The following GSTA1 variants were observed in gnomAD, a reference collection of about 807,000 sequenced individuals.
GSTA1 encodes the protein glutathione S-transferase alpha 1.
Under a neutral mutation model 21.5 loss-of-function variants are expected in GSTA1, and 23 were observed. The ratio of observed to expected loss-of-function variants is 1.07; its 90% CI spans 0.77 to 1.52. The LOEUF (loss-of-function observed/expected upper bound fraction) is 1.52, where lower values mean the gene tolerates loss of function less well. Among genes scored for constraint, GSTA1 ranks in the 40% most tolerant of loss-of-function variants. The pLI, the probability that GSTA1 is intolerant of heterozygous loss-of-function variation, is 0.00. For missense variants in GSTA1, 301 were observed against 264.2 expected (o/e 1.14, Z -0.96); for synonymous variants, 125 against 90.0 (o/e 1.39, Z -2.20).
chr6:52,795,869 C>T (rs1357981289), intron 4 of GSTA1, among the ~76,000 whole-genome samples: 1 of 152,162 alleles, frequency 6.6e-6, no homozygotes, highest in Non-Finnish European at 1.5e-5. Context: ...CAGAGTCGAG[C>T]CTCTGAAGTC....
rs59320156 is a variant in GSTA1 at position 52,795,151 on chromosome 6, G to T, written c.273-885C>A. On this transcript the variant is annotated intron_variant, in intron 4 of 6. Coordinates refer to ENST00000334575, the MANE Select transcript of GSTA1 (RefSeq NM_145740.5). Reference sequence around the variant, plus strand: ...GCCCCACTCCTTTAGCTCCAGGCAAGCACTAATCTACTTTCTACCTCTATG... The same window carrying T: ...GCCCCACTCCTTTAGCTCCAGGCAATCACTAATCTACTTTCTACCTCTATG... 2.9e-3 allele frequency among the ~76,000 whole-genome samples: 437 copies of T among 152,238 alleles called. 2 individuals carry two copies. Among genetic ancestry groups the T allele is most frequent in the African/African-American group, 0.01 (422 of 41,544 alleles).
chr6:52,799,413 T>G (rs1763661209), intron 1 of GSTA1, 116 bp from the exon 2 acceptor site: 5 of 679,284 alleles, frequency 7.4e-6, no homozygotes, highest in Non-Finnish European at 1.2e-5. Context: ...TCTTCATGAC[T>G]GTGTTGGAGG....
In GSTA1 at chr6:52,794,805, T is replaced by C. The variant is rs112428428; in HGVS notation, c.273-539A>G. 9.5e-4 allele frequency among the ~76,000 whole-genome samples: 145 copies of C among 152,330 alleles called. 1 individual carries two copies. The highest frequency in any genetic ancestry group is 3.3e-3 in the African/African-American group (138 of 41,578). On this transcript the variant is annotated intron_variant, in intron 4 of 6. Transcript: ENST00000334575. ...CATTTCCACAGCCCTTTCCATGTGC[T>C]GTTGCGCAACTCTAGCCATGTGTGC...
At chr6:52,795,637 T>C (rs1347051770) in intron 4 of GSTA1, among the ~76,000 whole-genome samples, 1 of 152,170 alleles carries the variant, frequency 6.6e-6, no homozygotes, top group Non-Finnish European at 1.5e-5. Context: ...CTGGCTGTTT[T>C]GTGCTTCTAT....
rs746278008 is a variant in GSTA1, at chr6:52,799,181, C to G, written c.87G>C (p.Glu29Asp). 6.8e-6 allele frequency: 11 copies of G among 1,613,446 alleles called. No individual in the cohort carries two copies. The highest frequency in any genetic ancestry group is 2.5e-6 in the Non-Finnish European group (3 of 1,179,588). The change falls in exon 2 of 7, where the codon GAG (glutamate) becomes GAC (aspartate). Residue 29 changes from glutamate (E) to aspartate (D), a missense_variant and splice_region_variant. Glu to Asp is a conservative substitution (Grantham distance 45). Transcript: ENST00000334575. ...TAAGATGACCTAACTCAGAACCTAC[C>G]TCTACTCCAGCTGCAGCCAGGAGCC... ...TRWLLAAAGV[E>D]FEEKFIKSAE...
intron 1 of GSTA1, 83 bp from the exon 2 acceptor site, chr6:52,799,380 C>T (rs1282226277): frequency 1.2e-6 from 1 of 868,828 alleles, no homozygotes; most frequent in Non-Finnish European, 1.8e-6. Context: ...AAACCACCAA[C>T]AATACTGAAG....
intron 4 of GSTA1, among the ~76,000 whole-genome samples, chr6:52,795,662 A>G (rs192520448): frequency 6.6e-6 from 1 of 152,280 alleles, no homozygotes; most frequent in East Asian, 1.9e-4. Context: ...GTGTCAAGGT[A>G]ACCCCAGCAT....
chr6:52,796,667 C>A (rs1478306978), intron 3 of GSTA1, among the ~76,000 whole-genome samples: 1 of 149,102 alleles, frequency 6.7e-6, no homozygotes, highest in African/African-American at 2.5e-5. Flanking sequence ...CCTCAGCCTC[C>A]CAATAGCTGG....
chr6:52,799,820 G>A (rs994418121), intron 1 of GSTA1, among the ~76,000 whole-genome samples: 1 of 152,142 alleles, frequency 6.6e-6, no homozygotes. Context: ...GTCACTCCTG[G>A]AAGCCAGCTG....
rs368168748 is a variant in GSTA1 at position 52,797,686 on chromosome 6, G to C, written c.88-49C>G. The C allele has an allele frequency of 1.2e-5, 18 of 1,510,512 alleles. No individual in the cohort carries two copies. The Admixed American group carries it at 1.5e-4, about 13-fold the overall frequency. The allele number at this position is 1,510,512 out of a possible 1,614,324, so 93.6% of individuals were successfully genotyped here. A position where few individuals can be genotyped will look rare whatever the true frequency, so the allele number is the denominator to read the frequency against. On this transcript the variant is annotated intron_variant, in intron 2 of 6. Coordinates refer to ENST00000334575, the MANE Select transcript of GSTA1 (RefSeq NM_145740.5). ...GTTCTTGTTAGTTCATTCTATTATA[G>C]ACTGTGGCCTTGAATGGCCCCATCT...
At chr6:52,801,136 C>T (rs1385267921) in intron 1 of GSTA1, among the ~76,000 whole-genome samples, 1 of 152,208 alleles carries the variant, frequency 6.6e-6, no homozygotes, top group African/African-American at 2.4e-5. Flanking sequence ...TCGCCTCAGC[C>T]TCCCGAAGTG....
Position 52,793,986 on chromosome 6 carries a change from G to A in GSTA1, c.414+139C>T, listed in dbSNP as rs529981045. ...TTCTCCAAGTCTATTTTCATAAAAT[G>A]CCTTGAGAGTCAGAGTGCTGCATTG... On this transcript the variant is annotated intron_variant, in intron 5 of 6. Transcript: ENST00000334575. 1.3e-4 allele frequency: 124 copies of A among 985,540 alleles called. No homozygotes were observed. The South Asian group carries it at 1.8e-3, about 14-fold the overall frequency. 61.0% of individuals were successfully genotyped at this position (985,540 alleles called of 1,614,324 possible).
chr6:52,803,118 T>C lies in GSTA1; in HGVS notation c.-31+667A>G, dbSNP rs111306186. On this transcript the variant is annotated intron_variant, in intron 1 of 6. Coordinates refer to ENST00000334575, the MANE Select transcript of GSTA1 (RefSeq NM_145740.5). ...GAGGGAAAGGGGGTTACAAATCAGA[T>C]AGGTAGAGGCCAGGGATGCCTAGAA... Among the ~76,000 whole-genome samples, 464 of 152,124 alleles carry C rather than the reference T, an allele frequency of 3.1e-3. 5 individuals carry two copies. The highest frequency in any genetic ancestry group is 0.01 in the African/African-American group (430 of 41,480).
intron 3 of GSTA1, 106 bp from the exon 4 acceptor site, chr6:52,796,420 A>G: frequency 6.9e-7 from 1 of 1,446,172 alleles, no homozygotes; most frequent in Non-Finnish European, 9.4e-7. Context: ...TGGCAAAGAA[A>G]TTACTGCCTG....
intron 4 of GSTA1, 45 bp downstream of exon 4, chr6:52,796,137 C>G: frequency 1.2e-6 from 2 of 1,610,950 alleles, no homozygotes; most frequent in Non-Finnish European, 1.7e-6. Context: ...GGACCTAAAT[C>G]ACTCTGTGTT....
At chr6:52,802,999 A>T (rs1763751292) in intron 1 of GSTA1, among the ~76,000 whole-genome samples, 1 of 152,136 alleles carries the variant, frequency 6.6e-6, no homozygotes, top group Non-Finnish European at 1.5e-5. Flanking sequence ...GAGGTCATGT[A>T]GTCCCATGGT....
At chr6:52,793,222 G>A (rs1438801684) in intron 5 of GSTA1, among the ~76,000 whole-genome samples, 2 of 151,800 alleles carry the variant, frequency 1.3e-5, no homozygotes, top group Non-Finnish European at 2.9e-5. Context: ...CTACATCACT[G>A]TGGCATCTAC....
At chr6:52,803,757 T>A (rs1167519197) in intron 1 of GSTA1, 28 bp downstream of exon 1, 1 of 180,116 alleles carries the variant, frequency 5.6e-6, no homozygotes, top group East Asian at 9.4e-5. Flanking sequence ...TGAGGCAATG[T>A]AGAGAAATTT....
At position 52,796,236 on chromosome 6, in the gene GSTA1, T is replaced by C. The variant is rs770644034; in HGVS notation, c.218A>G (p.Asn73Ser). 2 of 1,613,882 alleles carry C rather than the reference T, an allele frequency of 1.2e-6. No individual in the cohort carries two copies. The highest frequency in any genetic ancestry group is 2.2e-5 in the South Asian group (2 of 91,062). The change falls in exon 4 of 7, where the codon AAC (asparagine) becomes AGC (serine). Residue 73 changes from asparagine (N) to serine (S), a missense_variant. Physicochemically the swap from Asn to Ser is conservative, Grantham distance 46. Coordinates refer to ENST00000334575, the MANE Select transcript of GSTA1 (RefSeq NM_145740.5). ...GAGGTTGTATTTGCTGGCAATGTAG[T>C]TGAGAATGGCTCTGGTCTGCACCAG... ...MKLVQTRAIL[N>S]YIASKYNLYG...
Sources: allele counts gnomAD v4.1 joint callset (sites outside exome capture counted in the v4.1 genomes callset), GRCh38; gene constraint gnomAD v4.1.1; transcripts MANE v1.5; gene names NCBI Gene and HGNC (gene_info 2026-07-23, HGNC 2026-07-21).